Variants in PTPN4 observed in about 807,000 individuals in gnomAD.
The protein encoded by PTPN4 is tyrosine-protein phosphatase non-receptor type 4.
A neutral mutation model predicts 135.5 loss-of-function variants in PTPN4; 49 were observed. That is an observed-to-expected ratio of 0.36 (90% CI 0.29 to 0.46). The LOEUF (loss-of-function observed/expected upper bound fraction) is 0.46, where lower values mean the gene tolerates loss of function less well. Among genes scored for constraint, PTPN4 ranks in the 20% least tolerant of loss-of-function variants. The probability of loss-of-function intolerance (pLI) is 1.00; values close to 1 mark genes in which losing one functional copy is unlikely to be tolerated. For missense variants in PTPN4, 860 were observed against 1,101.0 expected, an observed-to-expected ratio of 0.78 and a Z score of 3.10; for synonymous variants, 333 against 369.9, an observed-to-expected ratio of 0.90 and a Z score of 1.14.
At chr2:119,798,718 T>G (rs1691307486) in intron 1 of PTPN4, among the ~76,000 whole-genome samples, 1 of 152,254 alleles carries the variant, frequency 6.6e-6, no homozygotes, top group Non-Finnish European at 1.5e-5. Context: ...AAGAGCTGAT[T>G]AGACAATTCA....
chr2:119,891,475 ACCATG>A (rs1471044240), intron 9 of PTPN4, among the ~76,000 whole-genome samples: 1 of 152,054 alleles, frequency 6.6e-6, no homozygotes, highest in African/African-American at 2.4e-5. Context: ...GGCGCACGCC[ACCATG>A]CCTGGCTAAT....
intron 15 of PTPN4, among the ~76,000 whole-genome samples, chr2:119,936,887 A>G (rs1678992085): frequency 1.3e-5 from 2 of 152,178 alleles, no homozygotes; most frequent in Admixed American, 6.5e-5. Context: ...TTTTGAATCT[A>G]TATTACTGCA....
At chr2:119,935,040 T>C (rs1240725399) in intron 15 of PTPN4, 82 bp downstream of exon 15, 11 of 1,407,588 alleles carry the variant, frequency 7.8e-6, no homozygotes, top group Non-Finnish European at 2.9e-6. Flanking sequence ...GAAATTAGGA[T>C]ATTCGATACA....
intron 1 of PTPN4, among the ~76,000 whole-genome samples, chr2:119,799,367 G>C (rs1208120780): frequency 6.6e-6 from 1 of 152,130 alleles, no homozygotes; most frequent in Non-Finnish European, 1.5e-5. Flanking sequence ...AAACAAATTA[G>C]TAGAACATTT....
At chr2:119,812,069 T>C (rs761877928) in intron 2 of PTPN4, among the ~76,000 whole-genome samples, 10 of 152,308 alleles carry the variant, frequency 6.6e-5, no homozygotes, top group South Asian at 2.1e-4. Flanking sequence ...TTGCTGGTTA[T>C]GTGGTATATT....
chr2:119,850,300 C>G (rs1163819840), intron 2 of PTPN4, among the ~76,000 whole-genome samples: 1 of 152,118 alleles, frequency 6.6e-6, no homozygotes, highest in Non-Finnish European at 1.5e-5. Flanking sequence ...GGGGCAGTGT[C>G]CTTTACTTGA....
intron 1 of PTPN4, among the ~76,000 whole-genome samples, chr2:119,793,254 T>C (rs970133226): frequency 6.6e-6 from 1 of 152,190 alleles, no homozygotes; most frequent in Non-Finnish European, 1.5e-5. Context: ...CTGTCAATTA[T>C]TAATATTCCT....
intron 22 of PTPN4, among the ~76,000 whole-genome samples, chr2:119,959,297 T>C (rs1185585723): frequency 6.6e-6 from 1 of 151,934 alleles, no homozygotes; most frequent in Non-Finnish European, 1.5e-5. Context: ...AAAAATAATA[T>C]CAGAGTTAAA....
At chr2:119,773,236 G>T (rs894287701) in intron 1 of PTPN4, among the ~76,000 whole-genome samples, 1 of 151,914 alleles carries the variant, frequency 6.6e-6, no homozygotes, top group Non-Finnish European at 1.5e-5. Context: ...CTAAGTTTTT[G>T]TATCTAGCAT....
At chr2:119,764,454 G>A (rs1233256606) in intron 1 of PTPN4, among the ~76,000 whole-genome samples, 4 of 151,962 alleles carry the variant, frequency 2.6e-5, no homozygotes, top group African/African-American at 4.8e-5. Context: ...CTTTGTCCTC[G>A]TTTCCATAAT....
chr2:119,769,828 T>TGCATATCAAATATGCAGGCAGCAG (rs1471188833), intron 1 of PTPN4, among the ~76,000 whole-genome samples: 3 of 152,228 alleles, frequency 2.0e-5, no homozygotes, highest in Non-Finnish European at 4.4e-5. Context: ...GATATGTATC[T>TGCATATCAAATATGCAGGCAGCAG]GGGATAGCTG....
At chr2:119,908,480 G>T (rs1301864170) in intron 10 of PTPN4, among the ~76,000 whole-genome samples, 1 of 151,986 alleles carries the variant, frequency 6.6e-6, no homozygotes, top group East Asian at 1.9e-4. Context: ...TATTATAATT[G>T]TTTTGGCATG....
chr2:119,886,462 A>G (rs1288078603), intron 9 of PTPN4, among the ~76,000 whole-genome samples: 1 of 152,158 alleles, frequency 6.6e-6, no homozygotes, highest in Non-Finnish European at 1.5e-5. Flanking sequence ...CTCCTGGCAT[A>G]AGCATATTTG....
intron 3 of PTPN4, among the ~76,000 whole-genome samples, chr2:119,876,901 G>A (rs1253211279): frequency 4.2e-5 from 5 of 120,200 alleles, no homozygotes; most frequent in South Asian, 2.5e-4. Flanking sequence ...AAGAGCATGT[G>A]TGTGTGTGTG....
At chr2:119,858,286 A>G (rs886163087) in intron 2 of PTPN4, among the ~76,000 whole-genome samples, 1 of 152,174 alleles carries the variant, frequency 6.6e-6, no homozygotes, top group African/African-American at 2.4e-5. Flanking sequence ...TGAGAAATTC[A>G]TTCTAATTTG....
At chr2:119,777,301 A>G (rs1690853739) in intron 1 of PTPN4, among the ~76,000 whole-genome samples, 2 of 152,190 alleles carry the variant, frequency 1.3e-5, no homozygotes, top group Admixed American at 1.3e-4. Context: ...TCTCTGCTCA[A>G]AAGCAAATTT....
chr2:119,955,122 C>T, intron 19 of PTPN4, 35 bp from the exon 20 acceptor site: 2 of 1,540,196 alleles, frequency 1.3e-6, no homozygotes, highest in Non-Finnish European at 1.7e-6. Context: ...TTAAGATTTC[C>T]ACGTTTTGGG....
intron 10 of PTPN4, among the ~76,000 whole-genome samples, chr2:119,905,176 T>A (rs1678468866): frequency 1.3e-5 from 2 of 152,170 alleles, no homozygotes; most frequent in Admixed American, 6.5e-5. Flanking sequence ...TGGTTTAAGT[T>A]CCCGTTAAAA....
At chr2:119,792,063 C>G (rs1691159389) in intron 1 of PTPN4, among the ~76,000 whole-genome samples, 1 of 152,054 alleles carries the variant, frequency 6.6e-6, no homozygotes, top group Non-Finnish European at 1.5e-5. Context: ...TTGACTGATT[C>G]TTCTGTCTGT....
Sources: gnomAD v4.1 joint callset for allele counts (sites outside exome capture counted in the v4.1 genomes callset) on GRCh38, gnomAD v4.1.1 for gene constraint, MANE v1.5 for transcripts, NCBI Gene and HGNC (gene_info 2026-07-23, HGNC 2026-07-21) for gene names.